Variants in DNAJC16 observed in about 807,000 individuals in gnomAD.
DNAJC16 encodes dnaJ homolog subfamily C member 16.
DNAJC16 carries 76 observed loss-of-function variants against 92.7 expected under a neutral mutation model. The ratio of observed to expected loss-of-function variants is 0.82; its 90% confidence interval spans 0.68 to 0.99. DNAJC16 has a LOEUF of 0.99. Ranked by LOEUF, DNAJC16 falls within the 50% of genes least tolerant of loss-of-function variation. The pLI is 0.00. For synonymous variants in DNAJC16, 328 were observed against 358.7 expected (o/e 0.91, Z 0.97); for missense variants, 869 against 942.4 (o/e 0.92, Z 1.02).
At chr1:15,547,458 T>C (rs1638337396) in intron 6 of DNAJC16, among the ~76,000 whole-genome samples, 1 of 150,822 alleles carries the variant, frequency 6.6e-6, no homozygotes, top group Non-Finnish European at 1.5e-5. Context: ...TTTTTTTTTT[T>C]CGGAGACCAA....
At chr1:15,551,806 G>C (rs1277168054) in intron 7 of DNAJC16, among the ~76,000 whole-genome samples, 1 of 151,660 alleles carries the variant, frequency 6.6e-6, no homozygotes, top group East Asian at 1.9e-4. Flanking sequence ...GCTGAGGCAG[G>C]CATATCATCT....
intron 1 of DNAJC16, among the ~76,000 whole-genome samples, chr1:15,528,426 C>G (rs1710573281): frequency 8.4e-6 from 1 of 119,702 alleles, no homozygotes; most frequent in Non-Finnish European, 1.7e-5. Context: ...GAGTGAAACT[C>G]CGTCTCAAAA....
chr1:15,559,473 A>C, intron 7 of DNAJC16, 53 bp from the exon 8 acceptor site: 1 of 1,604,270 alleles, frequency 6.2e-7, no homozygotes, highest in Non-Finnish European at 8.5e-7. Flanking sequence ...AAGCCCATCT[A>C]TTTGCATTGA....
intron 9 of DNAJC16, among the ~76,000 whole-genome samples, chr1:15,562,702 G>A (rs1034250464): frequency 6.6e-6 from 1 of 151,422 alleles, no homozygotes; most frequent in Admixed American, 6.6e-5. Context: ...TGCCCAGGTT[G>A]GTCTCAAACT....
chr1:15,555,126 C>T (rs1315863071), intron 7 of DNAJC16, among the ~76,000 whole-genome samples: 2 of 147,396 alleles, frequency 1.4e-5, no homozygotes, highest in African/African-American at 5.0e-5. Flanking sequence ...CTGTAATCCT[C>T]GTACTTTTGG....
chr1:15,566,738 G>A (rs918643684), intron 13 of DNAJC16: 5 of 178,666 alleles, frequency 2.8e-5, no homozygotes, highest in Non-Finnish European at 6.0e-5. Context: ...TATAAAATTA[G>A]CTGGATGTGG....
chr1:15,528,007 CTG>C (rs1365635313), intron 1 of DNAJC16, among the ~76,000 whole-genome samples: 5 of 152,250 alleles, frequency 3.3e-5, no homozygotes, highest in African/African-American at 1.2e-4. Flanking sequence ...AATTAAGTCA[CTG>C]TACTCACCAG....
intron 5 of DNAJC16, 57 bp from the exon 6 acceptor site, chr1:15,546,710 T>C (rs1474004618): frequency 7.4e-7 from 1 of 1,345,908 alleles, no homozygotes; most frequent in African/African-American, 1.5e-5. Context: ...CTGACTGGAG[T>C]ATAATACAAT....
At chr1:15,532,719 T>A (rs761540165) in intron 2 of DNAJC16, among the ~76,000 whole-genome samples, 2 of 151,692 alleles carry the variant, frequency 1.3e-5, no homozygotes, top group African/African-American at 4.8e-5. Flanking sequence ...TTTTTTGTCA[T>A]CCAGAAATGC....
At chr1:15,545,543 G>C (rs185712091) in intron 5 of DNAJC16, among the ~76,000 whole-genome samples, 8 of 152,308 alleles carry the variant, frequency 5.3e-5, no homozygotes, top group Admixed American at 5.2e-4. Context: ...TAATGAGTTG[G>C]GAAAGGCTTC....
At chr1:15,547,444 C>T (rs1273894808) in intron 6 of DNAJC16, among the ~76,000 whole-genome samples, 4 of 135,912 alleles carry the variant, frequency 2.9e-5, no homozygotes, top group African/African-American at 1.1e-4. Context: ...CTGTGATGGG[C>T]TTTTTTTTTT....
intron 13 of DNAJC16, chr1:15,566,485 GCA>G: frequency 3.2e-6 from 1 of 316,050 alleles, no homozygotes; most frequent in Non-Finnish European, 5.9e-6. Flanking sequence ...AGTCTTGTGC[GCA>G]CACACACCCA....
intron 1 of DNAJC16, among the ~76,000 whole-genome samples, 193 bp downstream of exon 1, chr1:15,527,151 C>T (rs906546894): frequency 1.3e-5 from 2 of 152,158 alleles, no homozygotes; most frequent in African/African-American, 4.8e-5. Context: ...TTGCGACCTC[C>T]GGCAGGAGCG....
chr1:15,545,065 C>T (rs1176281951), intron 5 of DNAJC16, among the ~76,000 whole-genome samples: 4 of 152,070 alleles, frequency 2.6e-5, no homozygotes, highest in African/African-American at 9.7e-5. Context: ...ACTTCAGAAA[C>T]TTACAGTGAC....
intron 1 of DNAJC16, among the ~76,000 whole-genome samples, chr1:15,528,646 C>G (rs1040976152): frequency 6.6e-6 from 1 of 152,150 alleles, no homozygotes; most frequent in South Asian, 2.1e-4. Context: ...CATGGTAAAT[C>G]TTACAGTTTC....
intron 8 of DNAJC16, among the ~76,000 whole-genome samples, chr1:15,561,210 T>C (rs1638684124): frequency 6.6e-6 from 1 of 152,074 alleles, no homozygotes; most frequent in Non-Finnish European, 1.5e-5. Flanking sequence ...GGCAATAATA[T>C]TGTCTATATT....
At chr1:15,528,959 T>C in intron 1 of DNAJC16, 129 bp from the exon 2 acceptor site, 1 of 716,900 alleles carries the variant, frequency 1.4e-6, no homozygotes, top group East Asian at 2.8e-5. Flanking sequence ...GTTCAACAGC[T>C]TGACACTTTT....
chr1:15,554,365 T>C (rs1341333403), intron 7 of DNAJC16, among the ~76,000 whole-genome samples: 1 of 152,216 alleles, frequency 6.6e-6, no homozygotes, highest in Non-Finnish European at 1.5e-5. Context: ...ATAAATTCTT[T>C]TAGTATATTC....
intron 1 of DNAJC16, among the ~76,000 whole-genome samples, chr1:15,527,242 T>A (rs2103398028): frequency 6.6e-6 from 1 of 152,240 alleles, no homozygotes; most frequent in Non-Finnish European, 1.5e-5. Context: ...GCTGGCAGCC[T>A]ACCTGTTGGG....
Sources: allele counts gnomAD v4.1 joint callset (sites outside exome capture counted in the v4.1 genomes callset), GRCh38; gene constraint gnomAD v4.1.1; transcripts MANE v1.5; gene names NCBI Gene and HGNC (gene_info 2026-07-23, HGNC 2026-07-21).